BAIAP2: variants seen among roughly 807,000 people sequenced by gnomAD.
BAIAP2 encodes BAR/IMD domain-containing adapter protein 2.
In BAIAP2, 18 loss-of-function variants were observed where a neutral mutation model predicts 63.0. That is an observed-to-expected ratio of 0.29 (90% CI 0.20 to 0.42). The LOEUF (loss-of-function observed/expected upper bound fraction) is 0.42, where lower values mean the gene tolerates loss of function less well. Ranked by LOEUF, BAIAP2 falls within the 10% of genes least tolerant of loss-of-function variation. BAIAP2 has a pLI of 1.00. For synonymous variants in BAIAP2, 386 were observed against 307.6 expected (o/e 1.25, Z -2.67); for missense variants, 610 against 734.3 (o/e 0.83, Z 1.96).
intron 6 of BAIAP2, among the ~76,000 whole-genome samples, chr17:81,095,659 C>T (rs1234825290): frequency 6.6e-6 from 1 of 152,152 alleles, no homozygotes; most frequent in African/African-American, 2.4e-5. Flanking sequence ...CGGGGGCTGG[C>T]CATCCCTGCC....
intron 6 of BAIAP2, among the ~76,000 whole-genome samples, chr17:81,091,677 AGCGG>A (rs2056798021): frequency 6.6e-6 from 1 of 152,122 alleles, no homozygotes. Flanking sequence ...TGCTTTCTTG[AGCGG>A]GCAGGAGGGG....
At chr17:81,090,524 A>G (rs1359133287) in intron 6 of BAIAP2, among the ~76,000 whole-genome samples, 2 of 152,252 alleles carry the variant, frequency 1.3e-5, no homozygotes, top group Non-Finnish European at 2.9e-5. Flanking sequence ...TGCCAAGCAC[A>G]AGCTGGTCAC....
Position 81,085,508 on chromosome 17 carries a change from C to T in BAIAP2, c.280-146C>T, listed in dbSNP as rs758048303. 2.1e-5 allele frequency: 15 copies of T among 720,288 alleles called. No homozygotes were observed. The South Asian group carries it at 2.2e-4, about 11-fold the overall frequency. The allele number at this position is 720,288 out of a possible 1,614,324, so 44.6% of individuals were successfully genotyped here. On this transcript the variant is annotated intron_variant, in intron 4 of 13. Transcript: ENST00000428708. ...GGGTGCACACGGGCATGCGGGGCCA[C>T]AGCTCATCAGTCAGGGGGAGGGGGC...
At position 81,059,085 on chromosome 17, in the gene BAIAP2, C is replaced by T. The variant is rs74002031; in HGVS notation, c.217+1118C>T. 3.3e-3 allele frequency among the ~76,000 whole-genome samples: 502 copies of T among 152,308 alleles called. 4 individuals carry two copies. Among genetic ancestry groups the T allele is most frequent in the African/African-American group, 0.011 (475 of 41,570 alleles). On this transcript the variant is annotated intron_variant, in intron 3 of 13. Transcript: ENST00000428708. ...GTCCTGCGCCGGGAGGCAGACCTGC[C>T]GGCCGCACTTCGCAGCCCCCTGCGG... is the stretch of plus-strand genomic sequence containing the variant.
At chr17:81,058,712 C>T (rs752879002) in intron 3 of BAIAP2, among the ~76,000 whole-genome samples, 8 of 152,262 alleles carry the variant, frequency 5.3e-5, no homozygotes, top group Non-Finnish European at 1.2e-4. Context: ...TTGGATTCCT[C>T]TTCCCTCTGG....
chr17:81,098,420 G>GTT (rs113631114), intron 6 of BAIAP2, among the ~76,000 whole-genome samples: 2 of 149,156 alleles, frequency 1.3e-5, no homozygotes, highest in African/African-American at 4.9e-5. Flanking sequence ...TTCTTTTAAA[G>GTT]TTTTTTTTTT....
intron 1 of BAIAP2, among the ~76,000 whole-genome samples, chr17:81,047,565 A>G (rs750910944): frequency 6.6e-6 from 1 of 151,670 alleles, no homozygotes; most frequent in Non-Finnish European, 1.5e-5. Flanking sequence ...CAGCACACAC[A>G]TGGGTCCAGC....
At chr17:81,064,696 G>A (rs968262762) in intron 3 of BAIAP2, among the ~76,000 whole-genome samples, 1 of 152,150 alleles carries the variant, frequency 6.6e-6, no homozygotes, top group African/African-American at 2.4e-5. Context: ...TGGTGATGTG[G>A]GTCTTTCTGT....
chr17:81,050,450 G>T (rs2143981463), intron 1 of BAIAP2, among the ~76,000 whole-genome samples: 1 of 152,326 alleles, frequency 6.6e-6, no homozygotes, highest in Admixed American at 6.5e-5. Context: ...CATGCGGTAG[G>T]CATGGCCGCC....
At chr17:81,061,246 G>T (rs1407040511) in intron 3 of BAIAP2, among the ~76,000 whole-genome samples, 1 of 152,232 alleles carries the variant, frequency 6.6e-6, no homozygotes, top group Non-Finnish European at 1.5e-5. Flanking sequence ...CTCATGTACG[G>T]TGTTATCTGA....
intron 3 of BAIAP2, among the ~76,000 whole-genome samples, chr17:81,069,321 C>G (rs910438996): frequency 6.6e-6 from 1 of 152,228 alleles, no homozygotes; most frequent in African/African-American, 2.4e-5. Context: ...CCAGCCAGAG[C>G]ACGCACGCGG....
intron 3 of BAIAP2, among the ~76,000 whole-genome samples, chr17:81,064,731 C>T (rs2051165432): frequency 6.6e-6 from 1 of 152,242 alleles, no homozygotes; most frequent in East Asian, 1.9e-4. Context: ...CCGTCTGGCA[C>T]ACAGCTGGGG....
At position 81,106,081 on chromosome 17, in the gene BAIAP2, G is replaced by C; in HGVS notation, c.1272G>C (p.Arg424=). 9.5e-6 allele frequency: 15 copies of C among 1,576,338 alleles called. No homozygotes were observed. Among genetic ancestry groups the C allele is most frequent in the Non-Finnish European group, 1.3e-5 (15 of 1,160,842 alleles). Residue 424 remains arginine (R), a synonymous_variant, in exon 11 of 14, where the codon CGG becomes CGC. Transcript: ENST00000428708. ...TTACCTGGGGCCTCTCTTCCAGGCG[G>C]GGCTGGTTTCCCTTCTCCTACACCC... ...HYGESEKTKM[R]GWFPFSYTRV...
intron 1 of BAIAP2, among the ~76,000 whole-genome samples, chr17:81,043,884 C>T (rs1167487746): frequency 1.3e-5 from 2 of 152,242 alleles, no homozygotes; most frequent in East Asian, 1.9e-4. Context: ...GCGTTCTCGC[C>T]GCGGGGTCTC....
At chr17:81,087,626 C>CCAGGGGCAGATGAA (rs1343682727) in intron 6 of BAIAP2, 1 of 152,254 alleles carries the variant, frequency 6.6e-6, no homozygotes, top group Non-Finnish European at 1.5e-5. Context: ...CGGGACTAGG[C>CCAGGGGCAGATGAA]CAGGGGCAGA....
chr17:81,057,986 C>CA lies in BAIAP2; in HGVS notation c.217+19_217+20insA. Reference sequence around the variant, plus strand: ...GAACTCGGTGAGACCCCCCCCCCCCCCCCGCCTGGTAGTCGCCTGATGCCC... The same window carrying CA: ...GAACTCGGTGAGACCCCCCCCCCCCCACCCGCCTGGTAGTCGCCTGATGCCC... On this transcript the variant is annotated intron_variant, in intron 3 of 13. Transcript: ENST00000428708. 8.3e-7 allele frequency: 1 copy of CA among 1,204,416 alleles called. No individual in the cohort carries two copies. Among genetic ancestry groups the CA allele is most frequent in the Non-Finnish European group, 1.1e-6 (1 of 911,624 alleles). The allele number at this position is 1,204,416 out of a possible 1,614,324, so 74.6% of individuals were successfully genotyped here. A position where few individuals can be genotyped will look rare whatever the true frequency, so the allele number is the denominator to read the frequency against.
intron 3 of BAIAP2, among the ~76,000 whole-genome samples, chr17:81,081,477 G>A (rs950764727): frequency 1.3e-5 from 2 of 152,178 alleles, no homozygotes; most frequent in African/African-American, 4.8e-5. Context: ...GCCTGTGCCA[G>A]CCCTAGCTGG....
At chr17:81,059,823 C>G (rs564064495) in intron 3 of BAIAP2, among the ~76,000 whole-genome samples, 1 of 152,050 alleles carries the variant, frequency 6.6e-6, no homozygotes, top group Non-Finnish European at 1.5e-5. Context: ...GTCTTCGCCC[C>G]TTGGTCGCAT....
At chr17:81,111,162 C>T (rs995104900) in intron 13 of BAIAP2, among the ~76,000 whole-genome samples, 16 of 152,190 alleles carry the variant, frequency 1.1e-4, no homozygotes, top group Non-Finnish European at 1.8e-4. Flanking sequence ...TCTCCCCTCC[C>T]GGAAGCTTGT....
Sources: gnomAD v4.1 joint callset for allele counts (sites outside exome capture counted in the v4.1 genomes callset) on GRCh38, gnomAD v4.1.1 for gene constraint, MANE v1.5 for transcripts, NCBI Gene and HGNC (gene_info 2026-07-23, HGNC 2026-07-21) for gene names.